Variants in GRIA4 observed in about 807,000 individuals in gnomAD.
The protein encoded by GRIA4 is glutamate ionotropic receptor AMPA type subunit 4, also known as glutamate receptor 4.
A neutral mutation model predicts 104.0 loss-of-function variants in GRIA4; 34 were observed. The observed-to-expected ratio is 0.33, with a 90% confidence interval of 0.25 to 0.44. GRIA4 has a LOEUF of 0.44. Ranked by LOEUF, GRIA4 falls within the 20% of genes least tolerant of loss-of-function variation. The pLI, the probability that GRIA4 is intolerant of heterozygous loss-of-function variation, is 1.00. For synonymous variants in GRIA4, 386 were observed against 381.9 expected, an observed-to-expected ratio of 1.01 and a Z score of -0.13; for missense variants, 750 against 1,096.5, an observed-to-expected ratio of 0.68 and a Z score of 4.46.
At chr11:105,747,289 AT>A (rs1315708767) in intron 3 of GRIA4, among the ~76,000 whole-genome samples, 1 of 152,212 alleles carries the variant, frequency 6.6e-6, no homozygotes, top group African/African-American at 2.4e-5. Flanking sequence ...TTTGCTGAAA[AT>A]TAGTTCACAA....
In GRIA4 at chr11:105,881,622, C is replaced by T. The variant is rs904445876; in HGVS notation, c.673-5897C>T. Among the ~76,000 whole-genome samples, 8 of 151,934 alleles carry T rather than the reference C, an allele frequency of 5.3e-5. 1 individual carries two copies. The highest frequency in any genetic ancestry group is 1.0e-4 in the Non-Finnish European group (7 of 67,968). ...TATGGGAAACTCTTCTTTCTCTCTC[C>T]GTCCTCCAAAAAAGAGTTCTTCCTA... On this transcript the variant is annotated intron_variant, in intron 5 of 16. Transcript: ENST00000282499.
At chr11:105,694,109 C>T (rs1953185492) in intron 3 of GRIA4, among the ~76,000 whole-genome samples, 1 of 151,836 alleles carries the variant, frequency 6.6e-6, no homozygotes, top group Non-Finnish European at 1.5e-5. Flanking sequence ...AATAGAATGA[C>T]CGTTATATTT....
intron 3 of GRIA4, among the ~76,000 whole-genome samples, chr11:105,624,489 T>C (rs994246200): frequency 6.6e-6 from 1 of 152,128 alleles, no homozygotes; most frequent in African/African-American, 2.4e-5. Flanking sequence ...TGTATAATGT[T>C]ATTCCTTTCA....
At chr11:105,823,384 G>GA (rs1365968275) in intron 4 of GRIA4, among the ~76,000 whole-genome samples, 1 of 151,872 alleles carries the variant, frequency 6.6e-6, no homozygotes, top group Non-Finnish European at 1.5e-5. Context: ...GGTTCTTGTG[G>GA]AAAAAAACAT....
In GRIA4 at chr11:105,974,573, G is replaced by A. The variant is rs746604135; in HGVS notation, c.2544+129G>A. On this transcript the variant is annotated intron_variant, in intron 16 of 16. Transcript: ENST00000282499. Reference sequence around the variant, plus strand: ...AAATTTAGGGGTAGGACTTAGGCCCGACTACAGTGAGTGGGGGATGCATCC... The same window carrying A: ...AAATTTAGGGGTAGGACTTAGGCCCAACTACAGTGAGTGGGGGATGCATCC... 3.4e-5 allele frequency: 55 copies of A among 1,607,148 alleles called. No individual in the cohort carries two copies. The Middle Eastern group carries it at 8.3e-4, about 24-fold the overall frequency.
At chr11:105,843,512 T>C (rs1226887932) in intron 4 of GRIA4, among the ~76,000 whole-genome samples, 2 of 152,240 alleles carry the variant, frequency 1.3e-5, no homozygotes, top group Non-Finnish European at 2.9e-5. Flanking sequence ...TCAAACCAAC[T>C]GTATCACCTG....
chr11:105,624,522 C>A (rs1429535380), intron 3 of GRIA4, among the ~76,000 whole-genome samples: 1 of 152,042 alleles, frequency 6.6e-6, no homozygotes, highest in Non-Finnish European at 1.5e-5. Context: ...CTACATTGCA[C>A]CTTCTATGGT....
At chr11:105,973,469 A>AG (rs1366810929) in intron 15 of GRIA4, among the ~76,000 whole-genome samples, 2 of 152,090 alleles carry the variant, frequency 1.3e-5, no homozygotes, top group African/African-American at 4.8e-5. Flanking sequence ...TGTATACTGA[A>AG]GCTCTGAAGA....
intron 6 of GRIA4, among the ~76,000 whole-genome samples, chr11:105,897,166 G>A (rs1946680275): frequency 6.6e-6 from 1 of 152,080 alleles, no homozygotes; most frequent in East Asian, 1.9e-4. Flanking sequence ...GTATGTGTGT[G>A]TGTGGCAATT....
chr11:105,866,549 G>GTATATATATATA (rs1345654796), intron 5 of GRIA4, among the ~76,000 whole-genome samples: 110 of 78,178 alleles, frequency 1.4e-3, no homozygotes, highest in African/African-American at 3.9e-3. Flanking sequence ...GTGTGTGTGT[G>GTATATATATATA]TGTATATATA....
chr11:105,612,014 A>G (rs1408338553), intron 2 of GRIA4, among the ~76,000 whole-genome samples: 1 of 152,176 alleles, frequency 6.6e-6, no homozygotes, highest in Non-Finnish European at 1.5e-5. Context: ...GGGGGAGGGC[A>G]AGGGAGAGAA....
At chr11:105,700,987 C>T (rs1375079770) in intron 3 of GRIA4, among the ~76,000 whole-genome samples, 3 of 152,126 alleles carry the variant, frequency 2.0e-5, no homozygotes, top group Admixed American at 6.6e-5. Flanking sequence ...CTCAACCATC[C>T]CTATTCCTTT....
Position 105,933,770 on chromosome 11 carries a change from G to A in GRIA4, c.2095G>A (p.Ala699Thr). 6.2e-7 allele frequency: 1 copy of A among 1,610,356 alleles called. No individual in the cohort carries two copies. Among genetic ancestry groups the A allele is most frequent in the South Asian group, 1.1e-5 (1 of 90,908 alleles). The change falls in exon 14 of 17, where the codon GCA (alanine) becomes ACA (threonine). Residue 699 changes from alanine (A) to threonine (T), a missense_variant. Physicochemically the swap from Ala to Thr is moderately conservative, Grantham distance 58 (BLOSUM62 0). This residue lies in a region of GRIA4 where 272 missense variants were observed against 524.5 expected (regional missense o/e 0.52). Transcript: ENST00000282499. ...YEKMWTYMRS[A>T]EPSVFTRTTA... ...AAAGATGTGGACCTACATGCGATCA[G>A]CAGAGCCATCAGTATTCACTAGGAC...
chr11:105,898,017 T>C (rs903054157), intron 6 of GRIA4, among the ~76,000 whole-genome samples: 7 of 152,176 alleles, frequency 4.6e-5, no homozygotes, highest in African/African-American at 1.7e-4. Context: ...TCAGAGGCAT[T>C]CAAGAAATAC....
At chr11:105,632,217 T>C (rs1048017561) in intron 3 of GRIA4, among the ~76,000 whole-genome samples, 3 of 152,160 alleles carry the variant, frequency 2.0e-5, no homozygotes, top group African/African-American at 7.2e-5. Context: ...ATGGACTGAA[T>C]TAAAGTCTTA....
intron 14 of GRIA4, among the ~76,000 whole-genome samples, chr11:105,937,367 T>C (rs957274768): frequency 2.0e-5 from 3 of 152,196 alleles, no homozygotes; most frequent in Admixed American, 6.6e-5. Flanking sequence ...CAAAATACTA[T>C]CAACTTTGCT....
intron 3 of GRIA4, among the ~76,000 whole-genome samples, chr11:105,738,824 G>C (rs867989091): frequency 1.3e-5 from 2 of 151,252 alleles, no homozygotes; most frequent in Non-Finnish European, 2.9e-5. Flanking sequence ...ATCACTTAAA[G>C]GTAAAAATAT....
At chr11:105,838,881 T>C (rs1944287539) in intron 4 of GRIA4, among the ~76,000 whole-genome samples, 1 of 152,158 alleles carries the variant, frequency 6.6e-6, no homozygotes, top group South Asian at 2.1e-4. Flanking sequence ...CACAGCATAG[T>C]GACTAATGAC....
In GRIA4 at chr11:105,914,343, A is replaced by G. The variant is rs182110204; in HGVS notation, c.1269+3798A>G. Among the ~76,000 whole-genome samples, 93 of 152,142 alleles carry G rather than the reference A, an allele frequency of 6.1e-4. 1 individual carries two copies. Among genetic ancestry groups the G allele is most frequent in the African/African-American group, 2.1e-3 (87 of 41,578 alleles). ...GGAGAAAACCAAATATCCACATAGG[A>G]AACAACATTGGTTAACACTGATCTC... is the stretch of plus-strand genomic sequence containing the variant. On this transcript the variant is annotated intron_variant, in intron 10 of 16. Transcript: ENST00000282499.
Sources: allele counts gnomAD v4.1 joint callset (sites outside exome capture counted in the v4.1 genomes callset), GRCh38; gene constraint gnomAD v4.1.1; regional missense constraint gnomAD v4.1.1; transcripts MANE v1.5; gene names NCBI Gene and HGNC (gene_info 2026-07-23, HGNC 2026-07-21).